The following GAA variants were observed in gnomAD, a reference collection of about 807,000 sequenced individuals.
GAA encodes the protein lysosomal alpha-glucosidase.
Under a neutral mutation model 103.9 loss-of-function variants are expected in GAA, and 88 were observed. The observed-to-expected ratio is 0.85, with a 90% CI of 0.71 to 1.01. The LOEUF is 1.01. Ranked by LOEUF, GAA falls within the 50% of genes least tolerant of loss-of-function variation. The probability of loss-of-function intolerance (pLI) is 0.00; values close to 1 mark genes in which losing one functional copy is unlikely to be tolerated. For synonymous variants in GAA, 572 were observed against 563.1 expected (o/e 1.02, Z -0.22); for missense variants, 1,350 against 1,305.3 (o/e 1.03, Z -0.53).
At position 80,104,438 on chromosome 17, in the gene GAA, C is replaced by T. The variant is rs2143822491; in HGVS notation, c.-32-117C>T. On this transcript the variant is annotated intron_variant, in intron 1 of 19. Coordinates refer to ENST00000302262, the MANE Select transcript of GAA (RefSeq NM_000152.5). This position sits in a 1 kb window ranked among gnomAD's most constrained non-coding sequence, Gnocchi z 4.0. ...GGCAACACCCACCCTGGCCACCTTA[C>T]CCCACCTGCCTGGGTGCTGCAGTGC... The T allele has an allele frequency of 1.4e-6, 1 of 720,944 alleles. No individual in the cohort carries two copies. Among genetic ancestry groups the T allele is most frequent in the Admixed American group, 2.8e-5 (1 of 35,842 alleles). The allele number at this position is 720,944 out of a possible 1,614,324, so 44.7% of individuals were successfully genotyped here. A position where few individuals can be genotyped will look rare whatever the true frequency, so the allele number is the denominator to read the frequency against.
At position 80,105,890 on chromosome 17, in the gene GAA, G is replaced by A. The variant is rs145866792; in HGVS notation, c.688G>A (p.Val230Met). Residue 230 changes from valine (V) to methionine (M), a missense_variant, in exon 3 of 20, where the codon GTG (valine) becomes ATG (methionine). Val to Met is a conservative substitution (Grantham distance 21). Transcript: ENST00000302262. Reference sequence around the variant, plus strand: ...CGTGCGCCGGCAGCTGGACGGCCGCGTGCTGTGAGTTCTGGGCTCTGTGCC... The same window carrying A: ...CGTGCGCCGGCAGCTGGACGGCCGCATGCTGTGAGTTCTGGGCTCTGTGCC... Reference protein sequence around the residue: ...VIVRRQLDGRVLLNTTVAPLF... With the variant: ...VIVRRQLDGRMLLNTTVAPLF... 166 of 1,594,726 alleles carry A rather than the reference G, an allele frequency of 1.0e-4. No individual in the cohort carries two copies. In the African/African-American group the frequency reaches 1.7e-3, roughly 17 times the overall value.
rs528420839 is a variant in GAA at position 80,108,192 on chromosome 17, G to C, written c.956-98G>C. On this transcript the variant is annotated intron_variant, in intron 5 of 19. Coordinates refer to ENST00000302262, the MANE Select transcript of GAA (RefSeq NM_000152.5). ...CCACTCTGAGCTCCTCGTGGGGAGA[G>C]AGCCTCAACTCTCCGCCTGTGATTG... The C allele has an allele frequency of 1.5e-5, 24 of 1,599,428 alleles. No homozygotes were observed. The African/African-American group carries it at 2.0e-4, about 13-fold the overall frequency.
intron 9 of GAA, 129 bp downstream of exon 9, chr17:80,110,184 G>A (rs2039198825): frequency 5.7e-6 from 4 of 700,682 alleles, no homozygotes; most frequent in African/African-American, 3.6e-5. Context: ...GAGAGGAATG[G>A]GCCACAGTGG....
intron 1 of GAA, chr17:80,102,868 T>A (rs1435881282): frequency 6.6e-6 from 1 of 152,248 alleles, no homozygotes; most frequent in Non-Finnish European, 1.5e-5. Context: ...GTTGTGGGAC[T>A]GAGCCCTTAA....
chr17:80,118,132 C>T (rs1365356824), intron 17 of GAA, 61 bp from the exon 18 acceptor site: 8 of 1,582,076 alleles, frequency 5.1e-6, no homozygotes, highest in Non-Finnish European at 6.0e-6. Flanking sequence ...TTCCCGGGCC[C>T]TGGAGGCCTC....
intron 3 of GAA, among the ~76,000 whole-genome samples, 200 bp from the exon 4 acceptor site, chr17:80,107,357 G>A (rs1461165257): frequency 6.6e-6 from 1 of 152,230 alleles, no homozygotes; most frequent in Admixed American, 6.5e-5. Flanking sequence ...GATATGCCCT[G>A]AGAGTTGATC....
At position 80,103,797 on chromosome 17, in the gene GAA, G is replaced by T. The variant is rs774419044; in HGVS notation, c.-32-758G>T. 4.9e-4 allele frequency among the ~76,000 whole-genome samples: 74 copies of T among 152,174 alleles called. 1 individual carries two copies. Among genetic ancestry groups the T allele is most frequent in the Non-Finnish European group, 6.6e-4 (45 of 68,036 alleles). On this transcript the variant is annotated intron_variant, in intron 1 of 19. Coordinates refer to ENST00000302262, the MANE Select transcript of GAA (RefSeq NM_000152.5). ...TAAGTCCTTTCTCTCTTGTGGCTTT[G>T]CCACCCCTGGAGTGTCACCCTCAGC...
At chr17:80,107,922 G>A (rs778069958) in intron 5 of GAA, 26 bp downstream of exon 5, 41 of 1,576,970 alleles carry the variant, frequency 2.6e-5, no homozygotes, top group Admixed American at 7.4e-5. Context: ...CCCAGCGCCC[G>A]GGCCGGGGTC....
At position 80,119,770 on chromosome 17, in the gene GAA, G is replaced by A. The variant is rs1201013896; in HGVS notation, c.*439G>A. ...CCGCTGCCCGGCTGCCCAGAGGGCTGGATGCCTGCCGGTCCCCGAGCAAGC... is the reference window on the plus strand; with the variant it reads ...CCGCTGCCCGGCTGCCCAGAGGGCTAGATGCCTGCCGGTCCCCGAGCAAGC... On this transcript the variant is annotated 3_prime_UTR_variant, in exon 20 of 20. Transcript: ENST00000302262. The A allele has an allele frequency of 2.3e-5, 5 of 215,304 alleles. No homozygotes were observed. Among genetic ancestry groups the A allele is most frequent in the South Asian group, 1.5e-4 (2 of 13,674 alleles). 13.3% of individuals were successfully genotyped at this position (215,304 alleles called of 1,614,324 possible).
Position 80,102,793 on chromosome 17 carries a change from A to C in GAA, c.-33+903A>C, listed in dbSNP as rs12450199. 51,843 of 152,096 alleles carry C rather than the reference A, an allele frequency of 0.34. 9,113 individuals carry two copies. Among genetic ancestry groups the C allele is most frequent in the Middle Eastern group, 0.45 (131 of 294 alleles). The allele number at this position is 152,096 out of a possible 1,614,324, so 9.4% of individuals were successfully genotyped here. ...AGTCCTGGGAACCTCTGAATTTATA[A>C]CTAGTTGATCGAAAGTACAAGTGAC... On this transcript the variant is annotated intron_variant, in intron 1 of 19. Transcript: ENST00000302262.
rs2039022671 is a variant in GAA, at chr17:80,104,539, C to T, written c.-32-16C>T. 2.6e-6 allele frequency: 4 copies of T among 1,562,930 alleles called. No homozygotes were observed. The Admixed American group carries it at 5.3e-5, about 21-fold the overall frequency. ...CCCTCCCGCCTCCCTGCTGAGCCCG[C>T]TTTCTTCTCCCGCAGGCCTGTAGGA... On this transcript the variant is annotated splice_polypyrimidine_tract_variant and intron_variant, in intron 1 of 19. Coordinates refer to ENST00000302262, the MANE Select transcript of GAA (RefSeq NM_000152.5). This position sits in a 1 kb window ranked among gnomAD's most constrained non-coding sequence, Gnocchi z 4.0.
chr17:80,111,694 G>A, intron 11 of GAA: 3 of 490,960 alleles, frequency 6.1e-6, no homozygotes, highest in Non-Finnish European at 1.1e-5. Flanking sequence ...AACAGGCAGG[G>A]GAGTGCTTGA....
intron 15 of GAA, among the ~76,000 whole-genome samples, chr17:80,115,197 C>T (rs953185061): frequency 6.6e-6 from 1 of 152,140 alleles, no homozygotes; most frequent in Non-Finnish European, 1.5e-5. Flanking sequence ...CTGGGACTTC[C>T]GTTCCACACA....
At chr17:80,115,179 C>T (rs976217991) in intron 15 of GAA, among the ~76,000 whole-genome samples, 1 of 152,104 alleles carries the variant, frequency 6.6e-6, no homozygotes, top group Non-Finnish European at 1.5e-5. Context: ...CCCTTTCTGT[C>T]TTCTACTCTG....
intron 15 of GAA, 187 bp from the exon 16 acceptor site, chr17:80,116,781 G>C (rs879766265): frequency 3.0e-6 from 2 of 656,026 alleles, no homozygotes; most frequent in Non-Finnish European, 5.4e-6. Context: ...GCTTCTCCCA[G>C]CTCCGGCATT....
chr17:80,118,282 G>C lies in GAA; in HGVS notation c.2571G>C (p.Leu857=). The change falls in exon 18 of 20, where the codon CTG becomes CTC. Residue 857 remains leucine, a synonymous_variant. Transcript: ENST00000302262. The part of the protein sequence containing the change: ...LTKGGEARGE[L]FWDDGESLEV... ...AGGGTGGGGAGGCCCGAGGGGAGCT[G>C]TTCTGGGACGATGGAGAGAGCCTGG... is the stretch of plus-strand genomic sequence containing the variant. 3 of 1,603,306 alleles carry C rather than the reference G, an allele frequency of 1.9e-6. No homozygotes were observed. The highest frequency in any genetic ancestry group is 2.6e-6 in the Non-Finnish European group (3 of 1,174,094).
intron 15 of GAA, among the ~76,000 whole-genome samples, chr17:80,114,686 A>G (rs1040696683): frequency 6.6e-6 from 1 of 152,166 alleles, no homozygotes; most frequent in Non-Finnish European, 1.5e-5. Context: ...AAGTACATAC[A>G]CACTGTCTGC....
chr17:80,110,137 T>C lies in GAA; in HGVS notation c.1437+82T>C. ...AGCCGGCAGCTGCTCAGGAAGACGG[T>C]GGGATTTGAGGAGCCATCACGCCCA... On this transcript the variant is annotated intron_variant, in intron 9 of 19. Coordinates refer to ENST00000302262, the MANE Select transcript of GAA (RefSeq NM_000152.5). 3.4e-6 allele frequency: 4 copies of C among 1,174,008 alleles called. No individual in the cohort carries two copies. The Admixed American group carries it at 7.2e-5, about 21-fold the overall frequency. 72.7% of individuals were successfully genotyped at this position (1,174,008 alleles called of 1,614,324 possible).
rs370174315 is a variant in GAA at position 80,104,791 on chromosome 17, C to G, written c.205C>G (p.Gln69Glu). ...CAGCAGACCAGGGCCCCGGGATGCC[C>G]AGGCACACCCCGGCCGTCCCAGAGC... The part of the protein sequence containing the change: ...GASRPGPRDA[Q>E]AHPGRPRAVP... Residue 69 changes from glutamine to glutamate, a missense_variant, in exon 2 of 20, where the codon CAG becomes GAG. By Grantham distance (29) the Gln-to-Glu change is conservative. Coordinates refer to ENST00000302262, the MANE Select transcript of GAA (RefSeq NM_000152.5). The surrounding 1 kb of genome is among the most constrained non-coding windows in gnomAD (Gnocchi z 4.0). 4.3e-6 allele frequency: 7 copies of G among 1,611,974 alleles called. No individual in the cohort carries two copies. Among genetic ancestry groups the G allele is most frequent in the Middle Eastern group, 1.7e-4 (1 of 6,060 alleles).
Sources: gnomAD v4.1 joint callset for allele counts (sites outside exome capture counted in the v4.1 genomes callset) on GRCh38, gnomAD v4.1.1 for gene constraint, Gnocchi (gnomAD v3.1) non-coding constraint, MANE v1.5 for transcripts, NCBI Gene and HGNC (gene_info 2026-07-23, HGNC 2026-07-21) for gene names.